Variants in SPATA13 observed in about 807,000 individuals in gnomAD.
SPATA13 encodes the protein spermatogenesis-associated protein 13.
In SPATA13, 50 loss-of-function variants were observed where a neutral mutation model predicts 104.0. That is an observed-to-expected ratio of 0.48 (90% CI 0.38 to 0.61). The LOEUF is 0.61. Ranked by LOEUF, SPATA13 falls within the 20% of genes least tolerant of loss-of-function variation. SPATA13 has a pLI of 0.00. For synonymous variants in SPATA13, 606 were observed against 667.5 expected, an observed-to-expected ratio of 0.91 and a Z score of 1.42; for missense variants, 1,524 against 1,690.6, an observed-to-expected ratio of 0.90 and a Z score of 1.73.
At chr13:24,144,722 G>A (rs980043756) in intron 3 of SPATA13, among the ~76,000 whole-genome samples, 2 of 152,034 alleles carry the variant, frequency 1.3e-5, no homozygotes, top group African/African-American at 4.8e-5. Flanking sequence ...CCAGCGTGGC[G>A]TAGTTGGTGT....
intron 3 of SPATA13, among the ~76,000 whole-genome samples, chr13:24,109,953 G>A (rs1024570393): frequency 2.7e-4 from 40 of 150,278 alleles, no homozygotes; most frequent in Admixed American, 8.7e-4. Context: ...TTGCCTTACA[G>A]AAAGTTTGTA....
chr13:24,092,586 A>G (rs1354975276), intron 3 of SPATA13, among the ~76,000 whole-genome samples: 2 of 152,214 alleles, frequency 1.3e-5, no homozygotes, highest in African/African-American at 4.8e-5. Flanking sequence ...AAAGGCAATC[A>G]GAAAGCCCAT....
At chr13:24,128,298 T>G (rs1881285051) in intron 3 of SPATA13, among the ~76,000 whole-genome samples, 1 of 152,186 alleles carries the variant, frequency 6.6e-6, no homozygotes, top group African/African-American at 2.4e-5. Flanking sequence ...ACATTGTGGC[T>G]TCATCACCAG....
rs763153640 is a variant in SPATA13 at position 24,249,833 on chromosome 13, T to C, written c.2010T>C (p.Leu670=). ...ACCAGACGGAGGAACTGGACAATCT[T>C]CTGACCCAAGTAAGATCTGGTGTGC... ...GTNQTEELDN[L]LTQPASRPPM... The change falls in exon 3 of 13, where the codon CTT becomes CTC. Residue 670 remains leucine (L), a synonymous_variant. Transcript: ENST00000382108. 1.2e-6 allele frequency: 2 copies of C among 1,601,142 alleles called. No homozygotes were observed. The highest frequency in any genetic ancestry group is 8.5e-7 in the Non-Finnish European group (1 of 1,173,074).
intron 4 of SPATA13, among the ~76,000 whole-genome samples, chr13:24,256,820 G>T (rs1387856540): frequency 1.3e-5 from 2 of 152,182 alleles, no homozygotes; most frequent in Non-Finnish European, 2.9e-5. Context: ...GAATTTCAGT[G>T]GCACTTATTG....
At chr13:24,022,476 A>T (rs955995377) in intron 3 of SPATA13, among the ~76,000 whole-genome samples, 10 of 152,232 alleles carry the variant, frequency 6.6e-5, no homozygotes, top group Non-Finnish European at 1.3e-4. Context: ...TTAAAATTTT[A>T]AAGTAATGTT....
At chr13:24,008,799 G>C (rs1469057823) in intron 2 of SPATA13, among the ~76,000 whole-genome samples, 1 of 152,066 alleles carries the variant, frequency 6.6e-6, no homozygotes, top group Non-Finnish European at 1.5e-5. Flanking sequence ...ATCCCCTGAT[G>C]GCTCTCAGGC....
chr13:24,297,864 A>C, intron 11 of SPATA13, 129 bp downstream of exon 11: 1 of 1,146,854 alleles, frequency 8.7e-7, no homozygotes, highest in East Asian at 2.5e-5. Context: ...GGAAAGGACA[A>C]GGGATCTGCA....
chr13:24,303,320 C>T lies in SPATA13; in HGVS notation c.*547C>T. ...CTGCCGTGGGGCTGACCACGGTGTT[C>T]CCTGGCATCGTCTGTGTCCACACAG... On this transcript the variant is annotated 3_prime_UTR_variant, in exon 13 of 13. Transcript: ENST00000382108. The T allele has an allele frequency of 6.1e-6, 2 of 329,930 alleles. No individual in the cohort carries two copies. The highest frequency in any genetic ancestry group is 4.8e-5 in the South Asian group (2 of 41,680). 20.4% of individuals were successfully genotyped at this position (329,930 alleles called of 1,614,324 possible). A position where few individuals can be genotyped will look rare whatever the true frequency, so the allele number is the denominator to read the frequency against.
chr13:24,253,933 T>C (rs1002371779), intron 4 of SPATA13, among the ~76,000 whole-genome samples: 2 of 152,042 alleles, frequency 1.3e-5, no homozygotes, highest in Non-Finnish European at 2.9e-5. Flanking sequence ...CTGCAGGTCA[T>C]GAGGAGGCTG....
At chr13:24,042,503 C>G (rs746562136) in intron 3 of SPATA13, among the ~76,000 whole-genome samples, 36 of 152,210 alleles carry the variant, frequency 2.4e-4, no homozygotes, top group Non-Finnish European at 4.1e-4. Flanking sequence ...TCACTGAGAT[C>G]AGAGACACAA....
At chr13:24,253,743 G>C (rs1189461233) in intron 4 of SPATA13, among the ~76,000 whole-genome samples, 1 of 152,114 alleles carries the variant, frequency 6.6e-6, no homozygotes, top group Admixed American at 6.5e-5. Context: ...GTAGGAGGCA[G>C]TGAGGCAGAG....
In SPATA13 at chr13:24,243,278, C is replaced by T. The variant is rs118027138; in HGVS notation, c.1654-6199C>T. 5.9e-3 allele frequency among the ~76,000 whole-genome samples: 895 copies of T among 152,172 alleles called. 4 individuals are homozygous for T. The highest frequency in any genetic ancestry group is 7.2e-3 in the Non-Finnish European group (488 of 68,010). ...TTTTAAATCATCTTACTTTACAGTCCTCTCTCATTTTCTTTTATGCATGTG... is the reference window on the plus strand; with the variant it reads ...TTTTAAATCATCTTACTTTACAGTCTTCTCTCATTTTCTTTTATGCATGTG... On this transcript the variant is annotated intron_variant, in intron 2 of 12. Coordinates refer to ENST00000382108, the MANE Select transcript of SPATA13 (RefSeq NM_001166271.3).
At chr13:24,175,959 A>G (rs1368819350) in intron 1 of SPATA13, among the ~76,000 whole-genome samples, 2 of 152,260 alleles carry the variant, frequency 1.3e-5, no homozygotes, top group African/African-American at 4.8e-5. Context: ...ACTCTGCAGG[A>G]AAACTACTGC....
Position 23,987,001 on chromosome 13 carries a change from C to CTGTGTGTGTGTGTGTG in SPATA13, c.-147+3092_-147+3107dup, listed in dbSNP as rs113990315. ...TTATTTTAGAGGTGAATGGATATAT[C>CTGTGTGTGTGTGTGTG]TGTGTGTGTGTGTGTGTGTGTGTGT... On this transcript the variant is annotated intron_variant, in intron 2 of 14. Transcript: ENST00000424834. 7.9e-4 allele frequency among the ~76,000 whole-genome samples: 112 copies of CTGTGTGTGTGTGTGTG among 141,514 alleles called. 1 individual carries two copies. The highest frequency in any genetic ancestry group is 2.4e-3 in the African/African-American group (90 of 37,814). The allele number at this position is 141,514 out of a possible 152,430, so 92.8% of individuals were successfully genotyped here. A position where few individuals can be genotyped will look rare whatever the true frequency, so the allele number is the denominator to read the frequency against.
Position 24,289,122 on chromosome 13 carries a change from C to A in SPATA13, c.2791C>A (p.Gln931Lys), listed in dbSNP as rs1876159274. 4 of 1,613,492 alleles carry A rather than the reference C, an allele frequency of 2.5e-6. No individual in the cohort carries two copies. The highest frequency in any genetic ancestry group is 2.5e-6 in the Non-Finnish European group (3 of 1,179,856). ...QRKFLKDLEK[Q>K]YNKEEPHLSE... Reference sequence around the variant, plus strand: ...AAAGTTTCTGAAAGACCTTGAGAAACAGTACAACAAAGAGGAACCTCACTT... The same window carrying A: ...AAAGTTTCTGAAAGACCTTGAGAAAAAGTACAACAAAGAGGAACCTCACTT... The change falls in exon 8 of 13, where the codon CAG (glutamine) becomes AAG (lysine). Residue 931 changes from glutamine (Q) to lysine (K), a missense_variant. Physicochemically the swap from Gln to Lys is moderately conservative, Grantham distance 53. Coordinates refer to ENST00000382108, the MANE Select transcript of SPATA13 (RefSeq NM_001166271.3).
chr13:24,082,443 T>C (rs936451236), intron 3 of SPATA13, among the ~76,000 whole-genome samples: 1 of 151,964 alleles, frequency 6.6e-6, no homozygotes, highest in African/African-American at 2.4e-5. Flanking sequence ...GATGATTGAG[T>C]TGCTCTTTGG....
chr13:23,988,133 CG>C, intron 2 of SPATA13, among the ~76,000 whole-genome samples: 1 of 152,082 alleles, frequency 6.6e-6, no homozygotes, highest in Non-Finnish European at 1.5e-5. Flanking sequence ...TTAGTAGAGA[CG>C]GGGTTTCACT....
chr13:24,196,271 G>A (rs9507272), intron 1 of SPATA13, among the ~76,000 whole-genome samples: 67,088 of 151,880 alleles, frequency 0.44, 16,567 homozygotes, highest in Non-Finnish European at 0.56. Context: ...TAAGAGTGAG[G>A]CTTGGCATAA....
Sources: allele counts gnomAD v4.1 joint callset (sites outside exome capture counted in the v4.1 genomes callset), GRCh38; gene constraint gnomAD v4.1.1; transcripts MANE v1.5; gene names NCBI Gene and HGNC (gene_info 2026-07-23, HGNC 2026-07-21).